Variants in TRPM3 observed in about 807,000 individuals in gnomAD.
TRPM3 encodes the protein transient receptor potential cation channel subfamily M member 3, also known as long transient receptor potential channel 3.
TRPM3 carries 77 observed loss-of-function variants against 181.2 expected under a neutral mutation model. The observed-to-expected ratio is 0.42, with a 90% CI of 0.35 to 0.51. The LOEUF is 0.51. Ranked by LOEUF, TRPM3 falls within the 20% of genes least tolerant of loss-of-function variation. The pLI is 0.01. For synonymous variants in TRPM3, 745 were observed against 796.4 expected, an observed-to-expected ratio of 0.94 and a Z score of 1.09; for missense variants, 1,759 against 2,196.7, an observed-to-expected ratio of 0.80 and a Z score of 3.98.
In TRPM3 at chr9:71,030,562, A is replaced by C. The variant is rs772057938; in HGVS notation, c.177+90616T>G. On this transcript the variant is annotated intron_variant, in intron 1 of 25. Coordinates refer to ENST00000677713, the MANE Select transcript of TRPM3 (RefSeq NM_001366145.2). ...CCTGGGCAACAGAGTGAGAAGTGAGACCCCGTTCCAAAAAAAAAAAAAGAT... is the reference window on the plus strand; with the variant it reads ...CCTGGGCAACAGAGTGAGAAGTGAGCCCCCGTTCCAAAAAAAAAAAAAGAT... Among the ~76,000 whole-genome samples the C allele has an allele frequency of 1.5e-4, 22 of 148,664 alleles. No individual in the cohort carries two copies. In the Middle Eastern group the frequency reaches 0.01, roughly 71 times the overall value.
rs185020406 is a variant in TRPM3, at chr9:70,911,917, C to T, written c.178-47406G>A. ...TGCAAACTTTCCCCTATGTCATTGT[C>T]CGTTCTCTCCTTCTGGCAATGGCTG... On this transcript the variant is annotated intron_variant, in intron 1 of 25. Coordinates refer to ENST00000677713, the MANE Select transcript of TRPM3 (RefSeq NM_001366145.2). 1.5e-4 allele frequency among the ~76,000 whole-genome samples: 23 copies of T among 152,274 alleles called. No individual in the cohort carries two copies. The East Asian group carries it at 3.5e-3, about 23-fold the overall frequency.
At chr9:71,166,106 G>A (rs1467877074) in intron 1 of TRPM3, among the ~76,000 whole-genome samples, 2 of 152,154 alleles carry the variant, frequency 1.3e-5, no homozygotes, top group Non-Finnish European at 2.9e-5. Context: ...AAGCAAGACA[G>A]AGGAAGGACA....
chr9:70,632,823 G>A (rs1258342798), intron 12 of TRPM3, among the ~76,000 whole-genome samples: 1 of 152,080 alleles, frequency 6.6e-6, no homozygotes, highest in Non-Finnish European at 1.5e-5. Context: ...CTTTAGCTGA[G>A]AAGCTACAAA....
At chr9:71,304,710 C>T (rs551069985) in intron 1 of TRPM3, among the ~76,000 whole-genome samples, 4 of 152,212 alleles carry the variant, frequency 2.6e-5, no homozygotes, top group East Asian at 3.9e-4. Context: ...TGCAGAGCAG[C>T]GATCTGACCT....
chr9:71,119,164 C>T (rs949459215), intron 1 of TRPM3, among the ~76,000 whole-genome samples: 15 of 152,038 alleles, frequency 9.9e-5, no homozygotes, highest in Admixed American at 2.0e-4. Flanking sequence ...TTGAAATGTG[C>T]TCAATATCTG....
chr9:71,055,980 G>T lies in TRPM3; in HGVS notation c.177+65198C>A, dbSNP rs1565091109. Among the ~76,000 whole-genome samples the T allele has an allele frequency of 2.6e-5, 4 of 151,996 alleles. No homozygotes were observed. The South Asian group carries it at 6.2e-4, about 24-fold the overall frequency. ...TGTATTGGGCACCTGCTATATATCA[G>T]GCCGTGTATAAAGTATTTTAGAGCC... On this transcript the variant is annotated intron_variant, in intron 1 of 25. Transcript: ENST00000677713.
At chr9:71,241,057 G>A (rs1298685262) in intron 1 of TRPM3, among the ~76,000 whole-genome samples, 1 of 152,068 alleles carries the variant, frequency 6.6e-6, no homozygotes, top group Non-Finnish European at 1.5e-5. Flanking sequence ...CTCTCAGTTA[G>A]TTGGCTTCCA....
chr9:70,821,363 G>A (rs1326045663), intron 6 of TRPM3, among the ~76,000 whole-genome samples: 2 of 152,126 alleles, frequency 1.3e-5, no homozygotes, highest in East Asian at 1.9e-4. Context: ...AAATATAGAG[G>A]CTGGATGATA....
intron 1 of TRPM3, among the ~76,000 whole-genome samples, chr9:71,337,584 T>C (rs2090649469): frequency 6.6e-6 from 1 of 152,182 alleles, no homozygotes; most frequent in Non-Finnish European, 1.5e-5. Flanking sequence ...ACTGGGTATA[T>C]ACCCAAAGGA....
chr9:71,342,043 C>T (rs2090996718), intron 1 of TRPM3, among the ~76,000 whole-genome samples: 1 of 151,758 alleles, frequency 6.6e-6, no homozygotes, highest in Non-Finnish European at 1.5e-5. Context: ...AGACGAAACA[C>T]TTCACTCAGA....
At chr9:71,324,254 T>C (rs537299725) in intron 1 of TRPM3, among the ~76,000 whole-genome samples, 3 of 152,104 alleles carry the variant, frequency 2.0e-5, no homozygotes, top group African/African-American at 4.8e-5. Flanking sequence ...TAATTGGAAA[T>C]TAGAAAACAA....
intron 1 of TRPM3, among the ~76,000 whole-genome samples, chr9:71,348,328 CA>C (rs1369585933): frequency 1.3e-5 from 2 of 151,960 alleles, no homozygotes; most frequent in Non-Finnish European, 2.9e-5. Flanking sequence ...TTGAATATCT[CA>C]CAGCAGCACA....
At chr9:70,578,298 CAAAA>C (rs56376771) in intron 22 of TRPM3, among the ~76,000 whole-genome samples, 1,467 of 116,352 alleles carry the variant, frequency 0.013, 27 homozygotes, top group African/African-American at 0.041. Flanking sequence ...CTTTTGTATC[CAAAA>C]AAAAAAAAAA....
chr9:71,225,076 T>C (rs1443281156), intron 1 of TRPM3, among the ~76,000 whole-genome samples: 1 of 152,114 alleles, frequency 6.6e-6, no homozygotes, highest in South Asian at 2.1e-4. Flanking sequence ...CCCAAACCTA[T>C]AGAAGGCTAC....
chr9:71,068,851 T>A (rs1351513001), intron 1 of TRPM3, among the ~76,000 whole-genome samples: 1 of 152,204 alleles, frequency 6.6e-6, no homozygotes, highest in Admixed American at 6.5e-5. Context: ...GATATGTCAC[T>A]AAGAACACCC....
At chr9:71,385,490 T>C (rs2132902922) in intron 1 of TRPM3, among the ~76,000 whole-genome samples, 1 of 152,276 alleles carries the variant, frequency 6.6e-6, no homozygotes, top group South Asian at 2.1e-4. Context: ...ATTTCTAACT[T>C]CTTATAAAAT....
intron 1 of TRPM3, among the ~76,000 whole-genome samples, chr9:71,233,387 C>T (rs900728876): frequency 6.6e-6 from 1 of 152,142 alleles, no homozygotes; most frequent in Non-Finnish European, 1.5e-5. Flanking sequence ...ATTCATATTC[C>T]AGTCAAAATC....
In TRPM3 at chr9:71,294,204, A is replaced by G. The variant is rs542467773; in HGVS notation, c.183+152449T>C. Among the ~76,000 whole-genome samples the G allele has an allele frequency of 2.0e-5, 3 of 152,172 alleles. No individual in the cohort carries two copies. The East Asian group carries it at 5.8e-4, about 29-fold the overall frequency. On this transcript the variant is annotated intron_variant, in intron 1 of 24. Transcript: ENST00000357533. ...GAGGAACCATGAAATGATAATCCAA[A>G]AACAGAGAAAATATTTGCTGTATAT...
At chr9:70,935,294 AC>A (rs1371652719) in intron 1 of TRPM3, among the ~76,000 whole-genome samples, 7 of 152,018 alleles carry the variant, frequency 4.6e-5, no homozygotes, top group African/African-American at 1.7e-4. Flanking sequence ...TGTCTCCCCT[AC>A]CAGGCTTTAA....
Sources: gnomAD v4.1 joint callset for allele counts (sites outside exome capture counted in the v4.1 genomes callset) on GRCh38, gnomAD v4.1.1 for gene constraint, MANE v1.5 for transcripts, NCBI Gene and HGNC (gene_info 2026-07-23, HGNC 2026-07-21) for gene names.